Variants in TMTC1 observed in about 807,000 individuals in gnomAD.
TMTC1 encodes protein O-mannosyl-transferase TMTC1.
Under a neutral mutation model 104.8 loss-of-function variants are expected in TMTC1, and 73 were observed. That is an observed-to-expected ratio of 0.70 (90% CI 0.58 to 0.85). TMTC1 has a LOEUF of 0.85. Ranked by LOEUF, TMTC1 falls within the 40% of genes least tolerant of loss-of-function variation. The pLI is 0.00. For missense variants in TMTC1, 1,035 were observed against 1,096.1 expected (o/e 0.94, Z 0.79); for synonymous variants, 434 against 428.7 (o/e 1.01, Z -0.15).
At chr12:29,537,399 T>C (rs1357142746) in intron 10 of TMTC1, among the ~76,000 whole-genome samples, 1 of 152,192 alleles carries the variant, frequency 6.6e-6, no homozygotes, top group East Asian at 1.9e-4. Context: ...ATTATACTCA[T>C]TTTTCTAATG....
intron 8 of TMTC1, among the ~76,000 whole-genome samples, chr12:29,573,785 G>A (rs1945745784): frequency 6.6e-6 from 1 of 152,130 alleles, no homozygotes; most frequent in Non-Finnish European, 1.5e-5. Context: ...GTCTTAGCGT[G>A]GAGAGAGTCT....
chr12:29,736,632 C>A (rs1301787719), intron 5 of TMTC1, among the ~76,000 whole-genome samples: 1 of 152,192 alleles, frequency 6.6e-6, no homozygotes, highest in East Asian at 1.9e-4. Flanking sequence ...GTTGGCCAGG[C>A]TGGTCTTAAA....
intron 7 of TMTC1, among the ~76,000 whole-genome samples, chr12:29,601,161 G>A (rs1190033744): frequency 1.3e-5 from 2 of 151,194 alleles, no homozygotes; most frequent in Non-Finnish European, 2.9e-5. Context: ...TCATAGAAAG[G>A]TTTATTTAAG....
chr12:29,657,466 A>C (rs1463157090), intron 5 of TMTC1, among the ~76,000 whole-genome samples: 2 of 152,214 alleles, frequency 1.3e-5, no homozygotes, highest in Admixed American at 1.3e-4. Flanking sequence ...AAGAATTTTT[A>C]AAACATAAGA....
chr12:29,735,883 C>T (rs146682499), intron 5 of TMTC1, among the ~76,000 whole-genome samples: 1 of 152,292 alleles, frequency 6.6e-6, no homozygotes, highest in African/African-American at 2.4e-5. Context: ...ATCTCTGAGT[C>T]AGCCTTGCAT....
chr12:29,701,417 CT>C (rs1352248415), intron 5 of TMTC1, among the ~76,000 whole-genome samples: 1 of 152,176 alleles, frequency 6.6e-6, no homozygotes, highest in African/African-American at 2.4e-5. Flanking sequence ...GAGGGCTCCC[CT>C]GACAAGAAAT....
rs1943612787 is a variant in TMTC1, at chr12:29,502,362, T to A, written c.*4484A>T. The A allele has an allele frequency of 2.7e-5, 4 of 148,172 alleles. No homozygotes were observed. In the Admixed American group the frequency reaches 2.7e-4, roughly 10 times the overall value. The allele number at this position is 148,172 out of a possible 1,614,324, so 9.2% of individuals were successfully genotyped here. On this transcript the variant is annotated 3_prime_UTR_variant, in exon 18 of 18. Transcript: ENST00000539277. ...AGTTTTTTTTTTTTTCAAAAACAGATTCTAACAAGTACAAAGAAATAATTA... is the reference window on the plus strand; with the variant it reads ...AGTTTTTTTTTTTTTCAAAAACAGAATCTAACAAGTACAAAGAAATAATTA...
At chr12:29,644,412 G>A (rs1939175860) in intron 5 of TMTC1, among the ~76,000 whole-genome samples, 1 of 151,666 alleles carries the variant, frequency 6.6e-6, no homozygotes, top group African/African-American at 2.4e-5. Context: ...ATGGTGCAGT[G>A]TATACTGCTT....
intron 10 of TMTC1, among the ~76,000 whole-genome samples, chr12:29,551,259 C>T (rs1565664731): frequency 2.0e-5 from 3 of 152,138 alleles, no homozygotes; most frequent in Admixed American, 6.5e-5. Context: ...AGAAAAACTA[C>T]TATCTTGAAT....
At chr12:29,739,141 T>G (rs1942759662) in intron 5 of TMTC1, among the ~76,000 whole-genome samples, 1 of 152,156 alleles carries the variant, frequency 6.6e-6, no homozygotes, top group Non-Finnish European at 1.5e-5. Flanking sequence ...CAGATGAGCT[T>G]GCCACTGCCC....
At chr12:29,576,660 G>T (rs1397444921) in intron 8 of TMTC1, among the ~76,000 whole-genome samples, 6 of 151,990 alleles carry the variant, frequency 3.9e-5, no homozygotes, top group Non-Finnish European at 7.4e-5. Context: ...TAGGTCCAAG[G>T]GTACAAATTT....
chr12:29,582,802 A>T (rs1388223930), intron 8 of TMTC1, among the ~76,000 whole-genome samples: 2 of 152,346 alleles, frequency 1.3e-5, no homozygotes, highest in East Asian at 3.9e-4. Context: ...GAAGAGGCCC[A>T]GACTGGGGAT....
chr12:29,624,396 A>T (rs907869519), intron 6 of TMTC1, among the ~76,000 whole-genome samples: 1 of 152,180 alleles, frequency 6.6e-6, no homozygotes, highest in African/African-American at 2.4e-5. Flanking sequence ...AGGGAAAGGA[A>T]AGTAGGCGAA....
chr12:29,586,815 T>C (rs1022056600), intron 7 of TMTC1, among the ~76,000 whole-genome samples: 1 of 150,640 alleles, frequency 6.6e-6, no homozygotes, highest in African/African-American at 2.5e-5. Context: ...AGCTTTTTGA[T>C]GTGCTGCTGG....
At chr12:29,655,960 T>C (rs1197631700) in intron 5 of TMTC1, among the ~76,000 whole-genome samples, 2 of 152,068 alleles carry the variant, frequency 1.3e-5, no homozygotes, top group East Asian at 1.9e-4. Flanking sequence ...AACTGAAAGA[T>C]GCGCAAAGTT....
At chr12:29,676,612 C>T (rs568105395) in intron 5 of TMTC1, among the ~76,000 whole-genome samples, 1 of 152,210 alleles carries the variant, frequency 6.6e-6, no homozygotes, top group Non-Finnish European at 1.5e-5. Flanking sequence ...CCCATCTACA[C>T]TCTGCCTTCA....
At chr12:29,696,363 C>G (rs1019692554) in intron 5 of TMTC1, among the ~76,000 whole-genome samples, 4 of 152,122 alleles carry the variant, frequency 2.6e-5, no homozygotes, top group African/African-American at 9.7e-5. Context: ...ACGGAAAAGA[C>G]TAACAGGTTT....
chr12:29,699,803 C>A (rs1229519066), intron 5 of TMTC1, among the ~76,000 whole-genome samples: 1 of 151,746 alleles, frequency 6.6e-6, no homozygotes, highest in Non-Finnish European at 1.5e-5. Context: ...ACAAGCCCAG[C>A]TAATTTTTTA....
At chr12:29,740,157 G>A (rs1182584737) in intron 5 of TMTC1, among the ~76,000 whole-genome samples, 1 of 152,172 alleles carries the variant, frequency 6.6e-6, no homozygotes, top group Non-Finnish European at 1.5e-5. Context: ...GAAACCACAG[G>A]TGTGCACCAC....
Sources: gnomAD v4.1 joint callset for allele counts (sites outside exome capture counted in the v4.1 genomes callset) on GRCh38, gnomAD v4.1.1 for gene constraint, MANE v1.5 for transcripts, NCBI Gene and HGNC (gene_info 2026-07-23, HGNC 2026-07-21) for gene names.